Variants in RUFY3 observed in about 807,000 individuals in gnomAD.
RUFY3 encodes the protein RUN and FYVE domain containing 3.
Under a neutral mutation model 84.0 loss-of-function variants are expected in RUFY3, and 34 were observed. The ratio of observed to expected loss-of-function variants is 0.40; its 90% CI spans 0.31 to 0.54. The LOEUF is 0.54. Among genes scored for constraint, RUFY3 ranks in the 20% least tolerant of loss-of-function variants. The pLI, the probability that RUFY3 is intolerant of heterozygous loss-of-function variation, is 0.39. For synonymous variants in RUFY3, 242 were observed against 252.9 expected (o/e 0.96, Z 0.41); for missense variants, 507 against 736.8 (o/e 0.69, Z 3.61).
At chr4:70,799,032 G>A (rs1195053367) in intron 14 of RUFY3, among the ~76,000 whole-genome samples, 2 of 148,532 alleles carry the variant, frequency 1.3e-5, no homozygotes, top group Non-Finnish European at 3.0e-5. Flanking sequence ...TGTAATCCCA[G>A]CTACTCAGGG....
At position 70,804,359 on chromosome 4, in the gene RUFY3, G is replaced by A; in HGVS notation, c.1662G>A (p.Leu554=). 5 of 1,613,984 alleles carry A rather than the reference G, an allele frequency of 3.1e-6. No individual in the cohort carries two copies. Among genetic ancestry groups the A allele is most frequent in the Non-Finnish European group, 4.2e-6 (5 of 1,179,916 alleles). Residue 554 remains leucine (L), a synonymous_variant, in exon 17 of 18, where the codon CTG becomes CTA. Coordinates refer to ENST00000381006, the MANE Select transcript of RUFY3 (RefSeq NM_001037442.4). ...PHPMDEQDQL[L]LSEKPQLCQL... ...CCTGTGTGGTTTAGGATCAGCTGCT[G>A]CTCTCTGAAAAGCCACAGTTGTGTC...
At chr4:70,733,820 A>C (rs2148622886) in intron 1 of RUFY3, among the ~76,000 whole-genome samples, 1 of 152,328 alleles carries the variant, frequency 6.6e-6, no homozygotes, top group South Asian at 2.1e-4. Context: ...TAGTGGAATT[A>C]TGGGTGATTT....
At chr4:70,747,712 G>A (rs1722454810) in intron 1 of RUFY3, among the ~76,000 whole-genome samples, 1 of 152,074 alleles carries the variant, frequency 6.6e-6, no homozygotes, top group African/African-American at 2.4e-5. Flanking sequence ...TTACAACTAG[G>A]TGATCAAAAA....
chr4:70,749,523 GTTT>G (rs11333991), intron 1 of RUFY3, among the ~76,000 whole-genome samples: 3 of 139,384 alleles, frequency 2.2e-5, no homozygotes, highest in Admixed American at 7.0e-5. Context: ...CATCAAAAGG[GTTT>G]TTTTTTTTTT....
intron 15 of RUFY3, 64 bp downstream of exon 15, chr4:70,800,269 T>C (rs2148818251): frequency 7.2e-5 from 84 of 1,158,882 alleles, no homozygotes; most frequent in Non-Finnish European, 9.5e-5. Context: ...AAGGAGGGAG[T>C]TCTTTATATA....
rs1324363374 is a variant in RUFY3 at position 70,807,205 on chromosome 4, A to G, written c.*546A>G. 6.6e-6 allele frequency: 1 copy of G among 152,266 alleles called. No individual in the cohort carries two copies. The highest frequency in any genetic ancestry group is 2.4e-5 in the African/African-American group (1 of 41,476). The allele number at this position is 152,266 out of a possible 1,614,324, so 9.4% of individuals were successfully genotyped here. ...AACCCAATCTCAGGGAAAAGAAATTAAAAAGTAATATAAATTCTGCATATA... is the reference window on the plus strand; with the variant it reads ...AACCCAATCTCAGGGAAAAGAAATTGAAAAGTAATATAAATTCTGCATATA... On this transcript the variant is annotated 3_prime_UTR_variant, in exon 18 of 18. Coordinates refer to ENST00000381006, the MANE Select transcript of RUFY3 (RefSeq NM_001037442.4).
At chr4:70,704,951 G>C (rs1740086358) in exon 1 of RUFY3, 3 of 1,225,638 alleles carry the variant, frequency 2.4e-6, no homozygotes, top group Non-Finnish European at 3.0e-6. Flanking sequence ...CTGAGACCCC[G>C]CCGCCGCCCA....
At chr4:70,754,052 T>A (rs932795819) in intron 1 of RUFY3, among the ~76,000 whole-genome samples, 1 of 151,876 alleles carries the variant, frequency 6.6e-6, no homozygotes, top group African/African-American at 2.4e-5. Flanking sequence ...ATGGTTAATT[T>A]TTTTTTTTTT....
chr4:70,744,322 G>A (rs1408221114), intron 1 of RUFY3, among the ~76,000 whole-genome samples: 3 of 151,480 alleles, frequency 2.0e-5, no homozygotes, highest in African/African-American at 7.3e-5. Context: ...TGAGTAGCTG[G>A]GACTACAGGC....
intron 5 of RUFY3, 140 bp downstream of exon 5, chr4:70,768,801 A>G (rs1256377136): frequency 2.4e-6 from 2 of 824,824 alleles, no homozygotes; most frequent in African/African-American, 3.4e-5. Flanking sequence ...TGATGGGAAT[A>G]TAAAAAAAAG....
At chr4:70,768,318 AT>A (rs1726340795) in intron 4 of RUFY3, among the ~76,000 whole-genome samples, 1 of 151,970 alleles carries the variant, frequency 6.6e-6, no homozygotes, top group Non-Finnish European at 1.5e-5. Context: ...CTTTTAAAAA[AT>A]TTTTTCTCCA....
At position 70,794,588 on chromosome 4, in the gene RUFY3, G is replaced by A. The variant is rs548066727; in HGVS notation, c.1458-207G>A. ...GAACAAGACTCCATCTCAAAAAAAG[G>A]TAGAGATTAGACAGGTTAAATGTGT... On this transcript the variant is annotated intron_variant, in intron 13 of 17. Transcript: ENST00000381006. 6 of 526,676 alleles carry A rather than the reference G, an allele frequency of 1.1e-5. No individual in the cohort carries two copies. In the Admixed American group the frequency reaches 1.2e-4, roughly 10 times the overall value. The allele number at this position is 526,676 out of a possible 1,614,324, so 32.6% of individuals were successfully genotyped here. A position where few individuals can be genotyped will look rare whatever the true frequency, so the allele number is the denominator to read the frequency against.
chr4:70,786,725 AC>A (rs1486071234), intron 10 of RUFY3, among the ~76,000 whole-genome samples: 2 of 152,232 alleles, frequency 1.3e-5, no homozygotes, highest in African/African-American at 4.8e-5. Flanking sequence ...CTATTCCTGT[AC>A]TAGATTTTAT....
intron 1 of RUFY3, among the ~76,000 whole-genome samples, chr4:70,736,050 G>A (rs1720226934): frequency 1.3e-5 from 2 of 151,858 alleles, no homozygotes; most frequent in South Asian, 2.1e-4. Flanking sequence ...GGAGGCTGAC[G>A]TGGGAGGATG....
intron 12 of RUFY3, chr4:70,789,877 G>A (rs1046782913): frequency 1.1e-5 from 12 of 1,066,332 alleles, no homozygotes; most frequent in African/African-American, 6.8e-5. Context: ...TCAGAGTCAT[G>A]TGTTAGAGGA....
At position 70,716,845 on chromosome 4, in the gene RUFY3, CAAAAA is replaced by C. The variant is rs531822773; in HGVS notation, c.358+11563_358+11567del. Among the ~76,000 whole-genome samples the C allele has an allele frequency of 6.9e-5, 5 of 72,496 alleles. No homozygotes were observed. The Admixed American group carries it at 7.9e-4, about 11-fold the overall frequency. The allele number at this position is 72,496 out of a possible 152,430, so 47.6% of individuals were successfully genotyped here. On this transcript the variant is annotated intron_variant, in intron 1 of 11. Transcript: ENST00000417478. ...GTATGACAAGAACAAAACTCTGTCTCAAAAAAAAAAAAAAAAGAAAAGAAAAGAAA... is the reference window on the plus strand; with the variant it reads ...GTATGACAAGAACAAAACTCTGTCTCAAAAAAAAAAAGAAAAGAAAAGAAA...
intron 12 of RUFY3, chr4:70,792,571 G>T: frequency 1.0e-6 from 1 of 985,370 alleles, no homozygotes; most frequent in Non-Finnish European, 1.2e-6. Flanking sequence ...TCCTTCAAAA[G>T]GTCCTGACAA....
Position 70,788,857 on chromosome 4 carries a change from T to C in RUFY3, c.1123T>C (p.Leu375=), listed in dbSNP as rs1193964712. Reference sequence around the variant, plus strand: ...GATCAGCATGAGGCAGGAGATGGAATTGGCTATGAAGATGCTGGAGAAGGA... The same window carrying C: ...GATCAGCATGAGGCAGGAGATGGAACTGGCTATGAAGATGCTGGAGAAGGA... ...MQISMRQEME[L]AMKMLEKDVC... is the part of the protein sequence containing the mutation. The change falls in exon 11 of 18, where the codon TTG becomes CTG. Residue 375 remains leucine (L), a synonymous_variant. Coordinates refer to ENST00000381006, the MANE Select transcript of RUFY3 (RefSeq NM_001037442.4). 2.5e-6 allele frequency: 4 copies of C among 1,614,124 alleles called. No homozygotes were observed. Among genetic ancestry groups the C allele is most frequent in the East Asian group, 2.2e-5 (1 of 44,880 alleles).
chr4:70,731,934 A>G (rs1264325214), intron 1 of RUFY3, among the ~76,000 whole-genome samples: 1 of 152,212 alleles, frequency 6.6e-6, no homozygotes, highest in Non-Finnish European at 1.5e-5. Flanking sequence ...GCTACAGGTA[A>G]TCATTATTCT....
Sources: gnomAD v4.1 joint callset for allele counts (sites outside exome capture counted in the v4.1 genomes callset) on GRCh38, gnomAD v4.1.1 for gene constraint, MANE v1.5 for transcripts, NCBI Gene and HGNC (gene_info 2026-07-23, HGNC 2026-07-21) for gene names.